INPP5F: variants seen among roughly 807,000 people sequenced by gnomAD.
INPP5F encodes the protein phosphatidylinositide 4-phosphatase SAC2.
In INPP5F, 97 loss-of-function variants were observed where a neutral mutation model predicts 137.2. The ratio of observed to expected loss-of-function variants is 0.71; its 90% CI spans 0.60 to 0.84. The LOEUF (loss-of-function observed/expected upper bound fraction) is 0.84. Among genes scored for constraint, INPP5F ranks in the 40% least tolerant of loss-of-function variants. The pLI is 0.00. For missense variants in INPP5F, 1,271 were observed against 1,371.9 expected, an observed-to-expected ratio of 0.93 and a Z score of 1.16; for synonymous variants, 504 against 476.9, an observed-to-expected ratio of 1.06 and a Z score of -0.74.
chr10:119,794,630 C>T (rs1466605449), intron 6 of INPP5F, among the ~76,000 whole-genome samples: 4 of 150,704 alleles, frequency 2.7e-5, no homozygotes, highest in South Asian at 2.1e-4. Context: ...CCGTACGGGG[C>T]GGCTGGCCAG....
chr10:119,764,583 C>CTTT (rs750705071), intron 2 of INPP5F, among the ~76,000 whole-genome samples: 1 of 140,448 alleles, frequency 7.1e-6, no homozygotes. Flanking sequence ...TTATGGTTTT[C>CTTT]TTTTTTTTTT....
chr10:119,747,026 T>C (rs1479911651), intron 1 of INPP5F, among the ~76,000 whole-genome samples: 1 of 151,882 alleles, frequency 6.6e-6, no homozygotes, highest in African/African-American at 2.4e-5. Flanking sequence ...TGACCTCAAG[T>C]GATCCTCCTG....
chr10:119,730,190 A>G (rs541891674), intron 1 of INPP5F, among the ~76,000 whole-genome samples: 2 of 151,694 alleles, frequency 1.3e-5, no homozygotes, highest in South Asian at 2.1e-4. Context: ...GCTCACTGCA[A>G]CCTCCACCTC....
chr10:119,823,757 G>A, intron 18 of INPP5F, 58 bp from the exon 19 acceptor site: 1 of 1,325,070 alleles, frequency 7.5e-7, no homozygotes, highest in Non-Finnish European at 1.1e-6. Flanking sequence ...GGTTAGAACT[G>A]CTATTTTTTT....
chr10:119,825,112 C>T (rs17680946), intron 19 of INPP5F, among the ~76,000 whole-genome samples: 16,447 of 152,134 alleles, frequency 0.11, 942 homozygotes, highest in South Asian at 0.17. Flanking sequence ...AACTGAATAA[C>T]GCACTCAGAC....
intron 6 of INPP5F, among the ~76,000 whole-genome samples, chr10:119,795,774 C>G (rs1333720541): frequency 1.3e-5 from 2 of 152,190 alleles, no homozygotes; most frequent in Non-Finnish European, 2.9e-5. Context: ...CCACTGCACT[C>G]CAGCCTGGGC....
intron 13 of INPP5F, among the ~76,000 whole-genome samples, chr10:119,809,544 T>C (rs1209228662): frequency 1.3e-5 from 2 of 152,122 alleles, no homozygotes; most frequent in East Asian, 3.9e-4. Context: ...CTGACATCTT[T>C]GTTGTGAAAA....
chr10:119,774,512 T>C (rs1849460620), intron 2 of INPP5F, among the ~76,000 whole-genome samples: 1 of 151,746 alleles, frequency 6.6e-6, no homozygotes, highest in East Asian at 1.9e-4. Flanking sequence ...TTTTTCTTTC[T>C]TTCTTGAGAC....
chr10:119,808,158 A>T, intron 13 of INPP5F, 98 bp downstream of exon 13: 1 of 1,418,214 alleles, frequency 7.1e-7, no homozygotes, highest in Non-Finnish European at 9.5e-7. Context: ...CAGATTGCAG[A>T]TGTGTGTAGT....
intron 9 of INPP5F, among the ~76,000 whole-genome samples, chr10:119,802,911 A>G (rs1850642627): frequency 6.6e-6 from 1 of 151,986 alleles, no homozygotes; most frequent in Non-Finnish European, 1.5e-5. Flanking sequence ...ATAGGTGAAA[A>G]CTCATTTTCT....
chr10:119,820,017 T>A (rs56335151), intron 15 of INPP5F, among the ~76,000 whole-genome samples: 1 of 152,172 alleles, frequency 6.6e-6, no homozygotes, highest in African/African-American at 2.4e-5. Flanking sequence ...GAGACCAGCA[T>A]AAGAATGCAG....
intron 3 of INPP5F, among the ~76,000 whole-genome samples, chr10:119,785,286 G>GTTGTTTTTTTTTTTTTTTT (rs770290302): frequency 8.5e-5 from 9 of 106,236 alleles, no homozygotes; most frequent in African/African-American, 3.4e-4. Context: ...CTGCCAGACT[G>GTTGTTTTTTTTTTTTTTTT]TTTTTTTTTT....
intron 2 of INPP5F, among the ~76,000 whole-genome samples, chr10:119,767,526 A>C (rs558268608): frequency 1.6e-4 from 24 of 152,228 alleles, no homozygotes; most frequent in Non-Finnish European, 3.4e-4. Context: ...GTATGTATGG[A>C]ACAAATGGGA....
At chr10:119,760,310 G>A (rs1038832894) in intron 2 of INPP5F, among the ~76,000 whole-genome samples, 8 of 152,100 alleles carry the variant, frequency 5.3e-5, no homozygotes, top group Non-Finnish European at 7.4e-5. Context: ...GCAGTGGCGC[G>A]TGCCTGTAGT....
At chr10:119,782,715 C>A (rs1374785258) in intron 3 of INPP5F, among the ~76,000 whole-genome samples, 8 of 152,094 alleles carry the variant, frequency 5.3e-5, no homozygotes, top group Admixed American at 4.6e-4. Context: ...TAAAGGAGGC[C>A]TGGCAAGGGT....
At chr10:119,804,000 GA>G (rs1322132757) in intron 9 of INPP5F, among the ~76,000 whole-genome samples, 172 bp from the exon 10 acceptor site, 1 of 152,116 alleles carries the variant, frequency 6.6e-6, no homozygotes, top group African/African-American at 2.4e-5. Context: ...AATTTTATAG[GA>G]AAAAAATTGA....
intron 2 of INPP5F, among the ~76,000 whole-genome samples, chr10:119,753,363 C>T (rs927949506): frequency 6.6e-6 from 1 of 152,196 alleles, no homozygotes; most frequent in Non-Finnish European, 1.5e-5. Flanking sequence ...TTTCATGTAT[C>T]TCTTGTTATG....
At chr10:119,777,992 CTTTTTA>C (rs1026759287) in intron 2 of INPP5F, among the ~76,000 whole-genome samples, 40 of 151,972 alleles carry the variant, frequency 2.6e-4, no homozygotes, top group African/African-American at 9.7e-4. Flanking sequence ...ATTATATATC[CTTTTTA>C]TTTTTATTAT....
At chr10:119,788,876 C>T (rs1359874257) in intron 3 of INPP5F, among the ~76,000 whole-genome samples, 1 of 152,160 alleles carries the variant, frequency 6.6e-6, no homozygotes, top group African/African-American at 2.4e-5. Flanking sequence ...CTTGAAATAG[C>T]GGACCTTTGA....
Sources: allele counts gnomAD v4.1 joint callset (sites outside exome capture counted in the v4.1 genomes callset), GRCh38; gene constraint gnomAD v4.1.1; transcripts MANE v1.5; gene names NCBI Gene and HGNC (gene_info 2026-07-23, HGNC 2026-07-21).